OR6B1: variants seen among roughly 807,000 people sequenced by gnomAD.
OR6B1 encodes olfactory receptor family 6 subfamily B member 1.
A neutral mutation model predicts 15.4 loss-of-function variants in OR6B1; 15 were observed. That is an observed-to-expected ratio of 0.97 (90% CI 0.65 to 1.50). The LOEUF is 1.50. Ranked by LOEUF, OR6B1 falls within the 40% of genes most tolerant of loss-of-function variation. The pLI, the probability that OR6B1 is intolerant of heterozygous loss-of-function variation, is 0.00. For missense variants in OR6B1, 384 were observed against 385.0 expected (o/e 1.00, Z 0.02); for synonymous variants, 139 against 144.9 (o/e 0.96, Z 0.29).
Position 144,006,792 on chromosome 7 carries a change from A to C in OR6B1, c.*1860A>C, listed in dbSNP as rs1307936437. 2 of 152,232 alleles carry C rather than the reference A, an allele frequency of 1.3e-5. No homozygotes were observed. The highest frequency in any genetic ancestry group is 2.9e-5 in the Non-Finnish European group (2 of 68,028). The allele number at this position is 152,232 out of a possible 1,614,324, so 9.4% of individuals were successfully genotyped here. A position where few individuals can be genotyped will look rare whatever the true frequency, so the allele number is the denominator to read the frequency against. The stretch of plus-strand genomic sequence containing the variant: ...TATATTCACCATGTGACCTTGGCCA[A>C]ACCATCTATACTTTTGGAAACACTG... On this transcript the variant is annotated 3_prime_UTR_variant, in exon 2 of 2. Coordinates refer to ENST00000641698, the MANE Select transcript of OR6B1 (RefSeq NM_001005281.3).
chr7:144,007,884 A>C lies in OR6B1; in HGVS notation c.*2952A>C, dbSNP rs2050635273. The C allele has an allele frequency of 6.6e-6, 1 of 152,220 alleles. No homozygotes were observed. The highest frequency in any genetic ancestry group is 1.5e-5 in the Non-Finnish European group (1 of 68,024). The allele number at this position is 152,220 out of a possible 1,614,324, so 9.4% of individuals were successfully genotyped here. ...CATTCTGGATTATCCGAGTGGACTC[A>C]ATGTCCAATGACAAGTTCCTTATAT... On this transcript the variant is annotated 3_prime_UTR_variant, in exon 2 of 2. Coordinates refer to ENST00000641698, the MANE Select transcript of OR6B1 (RefSeq NM_001005281.3).
At position 144,003,967 on chromosome 7, in the gene OR6B1, C is replaced by T; in HGVS notation, c.-25-5C>T. On this transcript the variant is annotated splice_polypyrimidine_tract_variant and splice_region_variant and intron_variant, in intron 1 of 1. Coordinates refer to ENST00000641698, the MANE Select transcript of OR6B1 (RefSeq NM_001005281.3). ...GAGTCTGATCAAATGATTTTTCCTC[C>T]CCAGGAGAGCTAAGCCCTGTGTCTC... The T allele has an allele frequency of 6.6e-7, 1 of 1,513,518 alleles. No individual in the cohort carries two copies. 93.8% of individuals were successfully genotyped at this position (1,513,518 alleles called of 1,614,324 possible).
chr7:144,002,958 C>A (rs1490973041), intron 1 of OR6B1, among the ~76,000 whole-genome samples: 1 of 152,126 alleles, frequency 6.6e-6, no homozygotes, highest in Non-Finnish European at 1.5e-5. Context: ...TCAGAGGGAC[C>A]TTTCCTGATT....
intron 1 of OR6B1, among the ~76,000 whole-genome samples, chr7:144,002,593 T>C (rs771694638): frequency 9.2e-5 from 14 of 152,220 alleles, no homozygotes; most frequent in African/African-American, 1.4e-4. Context: ...TGTCACCTAT[T>C]CTGAGTAGCC....
chr7:144,005,181 T>C lies in OR6B1; in HGVS notation c.*249T>C, dbSNP rs142809770. On this transcript the variant is annotated 3_prime_UTR_variant, in exon 2 of 2. Coordinates refer to ENST00000641698, the MANE Select transcript of OR6B1 (RefSeq NM_001005281.3). ...ACCCCAAATGGGGTTTCTAAGACTG[T>C]GAGTAAATTTATAACTGAGTTAAGT... 1 of 410,300 alleles carries C rather than the reference T, an allele frequency of 2.4e-6. No homozygotes were observed. 25.4% of individuals were successfully genotyped at this position (410,300 alleles called of 1,614,324 possible). A position where few individuals can be genotyped will look rare whatever the true frequency, so the allele number is the denominator to read the frequency against.
Position 144,004,537 on chromosome 7 carries a change from A to G in OR6B1, c.541A>G (p.Ile181Val). 1.2e-6 allele frequency: 2 copies of G among 1,614,178 alleles called. No homozygotes were observed. The highest frequency in any genetic ancestry group is 2.2e-5 in the East Asian group (1 of 44,886). ...TGTCATCAACCACTTCTTCTGTGAC[A>G]TCTCTCCAGTACTTAATCTCTCCTG... ...PNVINHFFCD[I>V]SPVLNLSCTD... Residue 181 changes from isoleucine to valine, a missense_variant, in exon 2 of 2, where the codon ATC (isoleucine) becomes GTC (valine). Coordinates refer to ENST00000641698, the MANE Select transcript of OR6B1 (RefSeq NM_001005281.3).
chr7:144,001,395 T>C (rs770968318), intron 1 of OR6B1, among the ~76,000 whole-genome samples: 1 of 152,218 alleles, frequency 6.6e-6, no homozygotes, highest in Non-Finnish European at 1.5e-5. Flanking sequence ...TGAACAAGTA[T>C]AGCTAAATAT....
At chr7:144,003,853 A>G in intron 1 of OR6B1, 119 bp from the exon 2 acceptor site, 1 of 622,576 alleles carries the variant, frequency 1.6e-6, no homozygotes, top group African/African-American at 1.8e-5. Context: ...TCACGTACCC[A>G]GTTCATGGTC....
At position 144,005,989 on chromosome 7, in the gene OR6B1, A is replaced by G. The variant is rs906598083; in HGVS notation, c.*1057A>G. On this transcript the variant is annotated 3_prime_UTR_variant, in exon 2 of 2. Transcript: ENST00000641698. The stretch of plus-strand genomic sequence containing the variant: ...GGAGATATATTTTTAAGCTGTATTC[A>G]ACATAGTGGGCCAACATCAGTGGGA... 6.6e-6 allele frequency: 1 copy of G among 152,244 alleles called. No individual in the cohort carries two copies. Among genetic ancestry groups the G allele is most frequent in the African/African-American group, 2.4e-5 (1 of 41,474 alleles). 9.4% of individuals were successfully genotyped at this position (152,244 alleles called of 1,614,324 possible). A position where few individuals can be genotyped will look rare whatever the true frequency, so the allele number is the denominator to read the frequency against.
At chr7:144,003,871 T>TA (rs2050600687) in intron 1 of OR6B1, 101 bp from the exon 2 acceptor site, 2 of 664,052 alleles carry the variant, frequency 3.0e-6, no homozygotes, top group Non-Finnish European at 5.2e-6. Context: ...GTCTGACCTG[T>TA]AATATGTATT....
chr7:144,008,773 A>G lies in OR6B1; in HGVS notation c.*3841A>G, dbSNP rs2050642067. 6.6e-6 allele frequency: 1 copy of G among 152,302 alleles called. No homozygotes were observed. Among genetic ancestry groups the G allele is most frequent in the Admixed American group, 6.5e-5 (1 of 15,278 alleles). The allele number at this position is 152,302 out of a possible 1,614,324, so 9.4% of individuals were successfully genotyped here. ...CCCAACCATGTGGAACTGTAAGTCA[A>G]TTAAACGTTTTTAAAGTAAATTACC... On this transcript the variant is annotated 3_prime_UTR_variant, in exon 2 of 2. Transcript: ENST00000641698.
rs2050616932 is a variant in OR6B1, at chr7:144,005,218, T to C, written c.*286T>C. 6.5e-6 allele frequency: 2 copies of C among 307,556 alleles called. No individual in the cohort carries two copies. The highest frequency in any genetic ancestry group is 6.6e-5 in the East Asian group (1 of 15,174). The allele number at this position is 307,556 out of a possible 1,614,324, so 19.1% of individuals were successfully genotyped here. A position where few individuals can be genotyped will look rare whatever the true frequency, so the allele number is the denominator to read the frequency against. Reference sequence around the variant, plus strand: ...TAACTGAGTTAAGTAGGAAGAGAGATGGTGATGGGTGAGTTAGCTGTTTTT... The same window carrying C: ...TAACTGAGTTAAGTAGGAAGAGAGACGGTGATGGGTGAGTTAGCTGTTTTT... On this transcript the variant is annotated 3_prime_UTR_variant, in exon 2 of 2. Transcript: ENST00000641698.
At chr7:144,001,958 A>C (rs527454592) in intron 1 of OR6B1, among the ~76,000 whole-genome samples, 1 of 152,322 alleles carries the variant, frequency 6.6e-6, no homozygotes, top group South Asian at 2.1e-4. Flanking sequence ...ATGTACTTGT[A>C]TCATGTTGCT....
chr7:144,001,182 A>T (rs1203627155), intron 1 of OR6B1, among the ~76,000 whole-genome samples: 1 of 152,240 alleles, frequency 6.6e-6, no homozygotes, highest in Non-Finnish European at 1.5e-5. Context: ...ATCTGCTATG[A>T]GGGGTAACAT....
intron 1 of OR6B1, among the ~76,000 whole-genome samples, chr7:144,002,497 A>G (rs1264406036): frequency 1.3e-5 from 2 of 152,060 alleles, no homozygotes; most frequent in Non-Finnish European, 2.9e-5. Context: ...CACCTTCCAT[A>G]TCCAAGTCAC....
chr7:144,005,047 T>C lies in OR6B1; in HGVS notation c.*115T>C, dbSNP rs1350413924. 2 of 723,058 alleles carry C rather than the reference T, an allele frequency of 2.8e-6. No homozygotes were observed. The highest frequency in any genetic ancestry group is 1.8e-5 in the African/African-American group (1 of 56,098). 44.8% of individuals were successfully genotyped at this position (723,058 alleles called of 1,614,324 possible). A position where few individuals can be genotyped will look rare whatever the true frequency, so the allele number is the denominator to read the frequency against. Reference sequence around the variant, plus strand: ...TGCCCATGTTAATATGACATCACCATGTCTACTTCAATCTCAGGCGCTTGG... The same window carrying C: ...TGCCCATGTTAATATGACATCACCACGTCTACTTCAATCTCAGGCGCTTGG... On this transcript the variant is annotated 3_prime_UTR_variant, in exon 2 of 2. Transcript: ENST00000641698.
chr7:144,006,063 T>G lies in OR6B1; in HGVS notation c.*1131T>G, dbSNP rs1586860678. ...TTTTAAACAGGAGAGTTTCTTGCAT[T>G]AATAACATCTTTTAGCTAAGAACAA... On this transcript the variant is annotated 3_prime_UTR_variant, in exon 2 of 2. Transcript: ENST00000641698. The G allele has an allele frequency of 6.6e-6, 1 of 152,358 alleles. No homozygotes were observed. Among genetic ancestry groups the G allele is most frequent in the East Asian group, 1.9e-4 (1 of 5,190 alleles). 9.4% of individuals were successfully genotyped at this position (152,358 alleles called of 1,614,324 possible).
chr7:144,001,893 T>C (rs1563011269), intron 1 of OR6B1, among the ~76,000 whole-genome samples: 1 of 151,004 alleles, frequency 6.6e-6, no homozygotes, highest in Non-Finnish European at 1.5e-5. Context: ...TATTCTCAGA[T>C]ACATTTACCA....
Position 144,004,663 on chromosome 7 carries a change from G to A in OR6B1, c.667G>A (p.Ala223Thr), listed in dbSNP as rs778385912. 3.1e-6 allele frequency: 5 copies of A among 1,614,100 alleles called. No individual in the cohort carries two copies. The highest frequency in any genetic ancestry group is 1.7e-6 in the Non-Finnish European group (2 of 1,180,018). Residue 223 changes from alanine to threonine, a missense_variant, in exon 2 of 2, where the codon GCC (alanine) becomes ACC (threonine). By Grantham distance (58) the Ala-to-Thr change is moderately conservative (BLOSUM62 0). Coordinates refer to ENST00000641698, the MANE Select transcript of OR6B1 (RefSeq NM_001005281.3). Reference protein sequence around the residue: ...ITVLSYGCILATILCMPTGKQ... With the variant: ...ITVLSYGCILTTILCMPTGKQ... ...TGTCCTGTCCTACGGATGCATTCTG[G>A]CCACCATATTATGCATGCCCACAGG... is the stretch of plus-strand genomic sequence containing the variant.
Sources: allele counts gnomAD v4.1 joint callset (sites outside exome capture counted in the v4.1 genomes callset), GRCh38; gene constraint gnomAD v4.1.1; transcripts MANE v1.5; gene names NCBI Gene and HGNC (gene_info 2026-07-23, HGNC 2026-07-21).